The following CNTN6 variants were observed in gnomAD, a reference collection of about 807,000 sequenced individuals.
CNTN6 encodes contactin-6.
A neutral mutation model predicts 122.8 loss-of-function variants in CNTN6; 137 were observed. That is an observed-to-expected ratio of 1.12 (90% CI 0.97 to 1.29). CNTN6 has a LOEUF of 1.29. CNTN6 is among the 50% of genes most tolerant of loss of function. The pLI is 0.00. For synonymous variants in CNTN6, 570 were observed against 426.0 expected, an observed-to-expected ratio of 1.34 and a Z score of -4.16; for missense variants, 1,634 against 1,223.4, an observed-to-expected ratio of 1.34 and a Z score of -5.01.
chr3:1,238,548 A>G (rs1178121102), intron 4 of CNTN6, among the ~76,000 whole-genome samples: 2 of 152,216 alleles, frequency 1.3e-5, no homozygotes, highest in Non-Finnish European at 2.9e-5. Flanking sequence ...CAGAAAGTCA[A>G]CAAAGAAACA....
At chr3:1,234,117 C>G (rs1190399235) in intron 4 of CNTN6, among the ~76,000 whole-genome samples, 2 of 152,134 alleles carry the variant, frequency 1.3e-5, no homozygotes, top group African/African-American at 4.8e-5. Context: ...CATTAAAAGG[C>G]AGGACAACTA....
intron 5 of CNTN6, among the ~76,000 whole-genome samples, chr3:1,291,216 T>G (rs1433139569): frequency 6.6e-6 from 1 of 152,210 alleles, no homozygotes; most frequent in African/African-American, 2.4e-5. Context: ...CATGATGAAA[T>G]AAGTTTTTTT....
chr3:1,260,693 G>A (rs2094831240), intron 4 of CNTN6, among the ~76,000 whole-genome samples: 1 of 152,094 alleles, frequency 6.6e-6, no homozygotes, highest in East Asian at 1.9e-4. Context: ...GAATCATGGG[G>A]GCGGTTACCC....
chr3:1,300,299 T>A (rs557872255), intron 7 of CNTN6, among the ~76,000 whole-genome samples: 78 of 152,036 alleles, frequency 5.1e-4, no homozygotes, highest in Non-Finnish European at 9.9e-4. Flanking sequence ...TCTGCTTTTA[T>A]ATAAGCAATG....
intron 4 of CNTN6, among the ~76,000 whole-genome samples, chr3:1,239,578 T>C (rs1405427558): frequency 6.6e-6 from 1 of 152,088 alleles, no homozygotes; most frequent in Non-Finnish European, 1.5e-5. Flanking sequence ...GAATCAATAT[T>C]GTGAAAATGA....
At chr3:1,271,043 A>G (rs1185201962) in intron 4 of CNTN6, among the ~76,000 whole-genome samples, 1 of 151,924 alleles carries the variant, frequency 6.6e-6, no homozygotes, top group Non-Finnish European at 1.5e-5. Context: ...ACATTAGACT[A>G]TTTTTTATAT....
At chr3:1,114,695 A>G (rs2091636324) in intron 1 of CNTN6, among the ~76,000 whole-genome samples, 2 of 152,338 alleles carry the variant, frequency 1.3e-5, no homozygotes, top group African/African-American at 4.8e-5. Flanking sequence ...AATACTTCGC[A>G]AAAGTGGTAT....
intron 20 of CNTN6, among the ~76,000 whole-genome samples, chr3:1,396,799 A>C (rs1695045413): frequency 6.6e-6 from 1 of 152,240 alleles, no homozygotes; most frequent in Non-Finnish European, 1.5e-5. Flanking sequence ...AGCTTTACTG[A>C]AACATTGATG....
intron 1 of CNTN6, among the ~76,000 whole-genome samples, chr3:1,132,694 G>T (rs1050184855): frequency 1.1e-5 from 1 of 88,446 alleles, no homozygotes; most frequent in South Asian, 3.2e-4. Context: ...AATAAATAAC[G>T]TGAAGATGTT....
chr3:1,227,726 T>C, intron 3 of CNTN6, 92 bp from the exon 4 acceptor site: 1 of 1,338,668 alleles, frequency 7.5e-7, no homozygotes, highest in Non-Finnish European at 1.0e-6. Context: ...TGGTGTTTTT[T>C]ATAGTTGCAG....
In CNTN6 at chr3:1,142,147, C is replaced by T. The variant is rs2092622171; in HGVS notation, c.-82-5780C>T. On this transcript the variant is annotated intron_variant, in intron 1 of 22. Transcript: ENST00000446702. Reference sequence around the variant, plus strand: ...TATTCCTGGTTTACTGGCAATTGTGCACATTTATAGACTGACGAATAGTTT... The same window carrying T: ...TATTCCTGGTTTACTGGCAATTGTGTACATTTATAGACTGACGAATAGTTT... 2.7e-5 allele frequency among the ~76,000 whole-genome samples: 4 copies of T among 150,786 alleles called. No individual in the cohort carries two copies. The South Asian group carries it at 8.3e-4, about 31-fold the overall frequency.
chr3:1,262,897 A>G (rs2094870095), intron 4 of CNTN6, among the ~76,000 whole-genome samples: 1 of 152,100 alleles, frequency 6.6e-6, no homozygotes, highest in African/African-American at 2.4e-5. Flanking sequence ...AATAAATCCA[A>G]GAAGATAATT....
At chr3:1,315,711 C>A (rs1436951674) in intron 7 of CNTN6, among the ~76,000 whole-genome samples, 1 of 151,912 alleles carries the variant, frequency 6.6e-6, no homozygotes, top group Non-Finnish European at 1.5e-5. Context: ...AGATGATTAA[C>A]CACGTTAAAG....
intron 4 of CNTN6, among the ~76,000 whole-genome samples, chr3:1,267,530 C>A (rs374866032): frequency 6.6e-6 from 1 of 152,094 alleles, no homozygotes; most frequent in Non-Finnish European, 1.5e-5. Flanking sequence ...TCACGGTACA[C>A]CTCTATAGCT....
rs5846099 is a variant in CNTN6, at chr3:1,202,743, CAG to C, written c.56-17943_56-17942del. ...GTAAATGTCAAGGGCTTTTCTCACA[CAG>C]GGAATGAACCGGTTTTCCTGCTCAT... On this transcript the variant is annotated intron_variant, in intron 2 of 22. Coordinates refer to ENST00000446702, the MANE Select transcript of CNTN6 (RefSeq NM_001289080.2). 5.8e-3 allele frequency among the ~76,000 whole-genome samples: 883 copies of C among 152,206 alleles called. 16 individuals are homozygous for C. The highest frequency in any genetic ancestry group is 0.02 in the African/African-American group (848 of 41,554).
chr3:1,176,229 C>A (rs1313347859), intron 2 of CNTN6, among the ~76,000 whole-genome samples: 1 of 152,130 alleles, frequency 6.6e-6, no homozygotes, highest in Non-Finnish European at 1.5e-5. Context: ...ACCAGCCTGA[C>A]CAACATGGAG....
chr3:1,215,192 A>G (rs1000397553), intron 2 of CNTN6, among the ~76,000 whole-genome samples: 1 of 152,228 alleles, frequency 6.6e-6, no homozygotes, highest in Admixed American at 6.5e-5. Context: ...TATTTCTGGA[A>G]CATGTTCTTT....
At chr3:1,250,788 A>T (rs969957120) in intron 4 of CNTN6, among the ~76,000 whole-genome samples, 1 of 152,138 alleles carries the variant, frequency 6.6e-6, no homozygotes, top group African/African-American at 2.4e-5. Context: ...GTGTTGCTTC[A>T]ACTGACATTT....
At chr3:1,276,613 A>G (rs1002144634) in intron 4 of CNTN6, among the ~76,000 whole-genome samples, 2 of 152,184 alleles carry the variant, frequency 1.3e-5, no homozygotes, top group African/African-American at 4.8e-5. Context: ...TTTTATATCC[A>G]GAAATTTAGT....
Sources: allele counts gnomAD v4.1 joint callset (sites outside exome capture counted in the v4.1 genomes callset), GRCh38; gene constraint gnomAD v4.1.1; transcripts MANE v1.5; gene names NCBI Gene and HGNC (gene_info 2026-07-23, HGNC 2026-07-21).